TTC39B: variants seen among roughly 807,000 people sequenced by gnomAD.
TTC39B encodes the protein tetratricopeptide repeat domain 39B, also known as tetratricopeptide repeat protein 39B.
TTC39B carries 92 observed loss-of-function variants against 96.6 expected under a neutral mutation model. The observed-to-expected ratio is 0.95, with a 90% CI of 0.80 to 1.13. TTC39B has a LOEUF of 1.13. Among genes scored for constraint, TTC39B ranks in the 50% most tolerant of loss-of-function variants. TTC39B has a pLI of 0.00. For synonymous variants in TTC39B, 367 were observed against 299.4 expected (o/e 1.23, Z -2.33); for missense variants, 955 against 809.3 (o/e 1.18, Z -2.18).
At chr9:15,177,473 A>C (rs1488017399) in intron 18 of TTC39B, among the ~76,000 whole-genome samples, 1 of 152,250 alleles carries the variant, frequency 6.6e-6, no homozygotes, top group Admixed American at 6.5e-5. Flanking sequence ...AGTTTTTGTA[A>C]GTCATCTTTA....
In TTC39B at chr9:15,211,344, T is replaced by C. The variant is rs143424497; in HGVS notation, c.536A>G (p.Gln179Arg). The change falls in exon 5 of 20, where the codon CAG becomes CGG. Residue 179 changes from glutamine to arginine, a missense_variant. Transcript: ENST00000512701. ...CTGTTGCTCGAAGGTCAGGACAGCCTGCAACACCACAATGGTACTGTAGCC... is the reference window on the plus strand; with the variant it reads ...CTGTTGCTCGAAGGTCAGGACAGCCCGCAACACCACAATGGTACTGTAGCC... 1,368 of 1,598,616 alleles carry C rather than the reference T, an allele frequency of 8.6e-4. 3 individuals are homozygous for C. The highest frequency in any genetic ancestry group is 1.1e-3 in the Non-Finnish European group (1,277 of 1,173,222).
In TTC39B at chr9:15,210,178, A is replaced by G; in HGVS notation, c.615-14T>C. 4 of 1,510,118 alleles carry G rather than the reference A, an allele frequency of 2.6e-6. No homozygotes were observed. Among genetic ancestry groups the G allele is most frequent in the Non-Finnish European group, 3.6e-6 (4 of 1,110,596 alleles). The allele number at this position is 1,510,118 out of a possible 1,614,324, so 93.5% of individuals were successfully genotyped here. ...TTTTTCCTGTATCTACATTGAATAA[A>G]TAAAAAGGGAGATAGAAAATAGAAA... is the stretch of plus-strand genomic sequence containing the variant. On this transcript the variant is annotated splice_polypyrimidine_tract_variant and intron_variant, in intron 5 of 19. Coordinates refer to ENST00000512701, the Ensembl canonical transcript of TTC39B.
At chr9:15,304,947 A>C (rs1305432921) in intron 1 of TTC39B, among the ~76,000 whole-genome samples, 1 of 152,192 alleles carries the variant, frequency 6.6e-6, no homozygotes, top group East Asian at 1.9e-4. Context: ...TACTTTTCCA[A>C]CTATATCACT....
intron 2 of TTC39B, among the ~76,000 whole-genome samples, chr9:15,227,538 C>T (rs1046181422): frequency 9.9e-5 from 15 of 152,132 alleles, no homozygotes; most frequent in African/African-American, 3.4e-4. Context: ...GAAAACTCCA[C>T]AGGTAAGGGA....
intron 2 of TTC39B, among the ~76,000 whole-genome samples, chr9:15,265,791 C>G (rs1823108969): frequency 2.0e-5 from 3 of 152,110 alleles, no homozygotes; most frequent in African/African-American, 7.2e-5. Context: ...CCCTTTCCAT[C>G]TGGGGTCTTC....
At chr9:15,185,217 C>T (rs1818452636) in intron 16 of TTC39B, 63 bp downstream of exon 16, 7 of 1,523,842 alleles carry the variant, frequency 4.6e-6, no homozygotes, top group Non-Finnish European at 6.1e-6. Flanking sequence ...TTTAGATATG[C>T]TCCCTGCTGC....
At chr9:15,217,372 C>T (rs1229669797) in intron 3 of TTC39B, among the ~76,000 whole-genome samples, 1 of 152,164 alleles carries the variant, frequency 6.6e-6, no homozygotes, top group African/African-American at 2.4e-5. Flanking sequence ...TCTCAGCTGG[C>T]CACACTGTCA....
intron 2 of TTC39B, among the ~76,000 whole-genome samples, chr9:15,236,811 C>A (rs769938144): frequency 6.6e-6 from 1 of 152,140 alleles, no homozygotes; most frequent in African/African-American, 2.4e-5. Flanking sequence ...ACCTCTGGTA[C>A]ACAGCAAAAG....
At chr9:15,192,996 A>G (rs1476433326) in intron 8 of TTC39B, among the ~76,000 whole-genome samples, 1 of 152,182 alleles carries the variant, frequency 6.6e-6, no homozygotes, top group Non-Finnish European at 1.5e-5. Context: ...GCCATCCCAC[A>G]GCTTCCGGCA....
At chr9:15,260,593 G>A (rs925634260) in intron 2 of TTC39B, among the ~76,000 whole-genome samples, 6 of 150,322 alleles carry the variant, frequency 4.0e-5, no homozygotes, top group African/African-American at 1.2e-4. Context: ...CAAAACTATT[G>A]TATCACCAAC....
chr9:15,286,831 C>A (rs1823990608), intron 1 of TTC39B, among the ~76,000 whole-genome samples: 1 of 152,148 alleles, frequency 6.6e-6, no homozygotes, highest in South Asian at 2.1e-4. Flanking sequence ...CTCAAGGATT[C>A]CTATTACTTT....
intron 1 of TTC39B, among the ~76,000 whole-genome samples, chr9:15,298,912 C>G (rs889909376): frequency 6.6e-5 from 10 of 152,144 alleles, no homozygotes; most frequent in South Asian, 4.1e-4. Context: ...AAGAGCTCCC[C>G]CTTCCCCACA....
chr9:15,254,868 CACACTTT>C, intron 2 of TTC39B, among the ~76,000 whole-genome samples: 1 of 129,174 alleles, frequency 7.7e-6, no homozygotes, highest in African/African-American at 4.1e-5. Context: ...CACAAACACA[CACACTTT>C]TTTTTTTTTT....
chr9:15,193,003 G>A (rs192044139), intron 8 of TTC39B, among the ~76,000 whole-genome samples: 83 of 152,260 alleles, frequency 5.5e-4, no homozygotes, highest in African/African-American at 1.8e-3. Context: ...CACAGCTTCC[G>A]GCAGCATATC....
intron 2 of TTC39B, among the ~76,000 whole-genome samples, chr9:15,236,809 T>C (rs998879118): frequency 2.6e-5 from 4 of 152,146 alleles, no homozygotes; most frequent in Non-Finnish European, 5.9e-5. Context: ...AAACCTCTGG[T>C]ACACAGCAAA....
chr9:15,204,120 T>C (rs1227844022), intron 6 of TTC39B, among the ~76,000 whole-genome samples: 1 of 152,194 alleles, frequency 6.6e-6, no homozygotes, highest in Non-Finnish European at 1.5e-5. Flanking sequence ...CAAATGTAAC[T>C]GCAAAGAGTC....
intron 17 of TTC39B, among the ~76,000 whole-genome samples, chr9:15,180,085 T>C (rs1588846441): frequency 6.6e-6 from 1 of 152,190 alleles, no homozygotes; most frequent in African/African-American, 2.4e-5. Flanking sequence ...GAAAATTACA[T>C]GATAAAGCTA....
chr9:15,186,863 T>A, intron 15 of TTC39B, 81 bp downstream of exon 15: 2 of 1,302,350 alleles, frequency 1.5e-6, no homozygotes, highest in Non-Finnish European at 2.2e-6. Context: ...GCCCAGCTAA[T>A]TTTTTGTATT....
At chr9:15,284,425 G>C (rs780022181) in intron 1 of TTC39B, among the ~76,000 whole-genome samples, 5 of 152,160 alleles carry the variant, frequency 3.3e-5, no homozygotes, top group Non-Finnish European at 7.3e-5. Flanking sequence ...CATGTACCAA[G>C]ATTATGATAC....
Sources: allele counts gnomAD v4.1 joint callset (sites outside exome capture counted in the v4.1 genomes callset), GRCh38; gene constraint gnomAD v4.1.1; transcripts MANE v1.5; gene names NCBI Gene and HGNC (gene_info 2026-07-23, HGNC 2026-07-21).